Variants in SPTBN5 observed in about 807,000 individuals in gnomAD.
SPTBN5 encodes the protein spectrin beta chain, non-erythrocytic 5.
A neutral mutation model predicts 477.6 loss-of-function variants in SPTBN5; 513 were observed. That is an observed-to-expected ratio of 1.07 (90% CI 1.00 to 1.16). The LOEUF (loss-of-function observed/expected upper bound fraction) is 1.16, where lower values mean the gene tolerates loss of function less well. Ranked by LOEUF, SPTBN5 falls within the 50% of genes most tolerant of loss-of-function variation. SPTBN5 has a pLI of 0.00. For synonymous variants in SPTBN5, 2,169 were observed against 2,011.7 expected (o/e 1.08, Z -2.09); for missense variants, 5,062 against 4,731.8 (o/e 1.07, Z -2.05).
intron 65 of SPTBN5, 52 bp from the exon 66 acceptor site, chr15:41,850,991 C>A: frequency 1.3e-6 from 2 of 1,588,252 alleles, no homozygotes; most frequent in Non-Finnish European, 1.7e-6. Flanking sequence ...GGGACCCCCA[C>A]GCCTCCAGCC....
At position 41,874,294 on chromosome 15, in the gene SPTBN5, TG is replaced by T; in HGVS notation, c.4686del (p.His1562GlnfsTer8). 1 of 1,610,002 alleles carries T rather than the reference TG, an allele frequency of 6.2e-7. No homozygotes were observed. Among genetic ancestry groups the T allele is most frequent in the Non-Finnish European group, 8.5e-7 (1 of 1,177,890 alleles). On this transcript the variant is annotated frameshift_variant, in exon 24 of 68. Coordinates refer to ENST00000320955, the MANE Select transcript of SPTBN5 (RefSeq NM_016642.4). LOFTEE classifies it high-confidence loss of function. ...LNGAQSLHRK[H>X]KELQVEVKAH... is the part of the protein sequence containing the mutation. ...TGTAGGAAGAAGAGGGCTATTACCTTGTGCTTGCGGTGAAGGCTCTGGGCAC... is the reference window on the plus strand; with the variant it reads ...TGTAGGAAGAAGAGGGCTATTACCTTTGCTTGCGGTGAAGGCTCTGGGCAC...
In SPTBN5 at chr15:41,851,112, G is replaced by A; in HGVS notation, c.10782C>T (p.Ala3594=). The A allele has an allele frequency of 6.2e-7, 1 of 1,613,302 alleles. No homozygotes were observed. ...ASIALLDLTG[A]RCERLRGRHG... is the part of the protein sequence containing the mutation. ...GGCGGCCCCGCAGCCTCTCACACCG[G>A]GCTCCCGTGAGGTCAAGGAGGGCTA... is the stretch of plus-strand genomic sequence containing the variant. Residue 3594 remains alanine (A), a synonymous_variant, in exon 65 of 68, where the codon GCC becomes GCT. Coordinates refer to ENST00000320955, the MANE Select transcript of SPTBN5 (RefSeq NM_016642.4).
rs759066027 is a variant in SPTBN5, at chr15:41,850,839, T to TC, written c.10921+14dup. 3.2e-6 allele frequency: 5 copies of TC among 1,582,730 alleles called. No homozygotes were observed. In the Admixed American group the frequency reaches 5.4e-5, roughly 17 times the overall value. On this transcript the variant is annotated intron_variant, in intron 66 of 67. Transcript: ENST00000320955. The stretch of plus-strand genomic sequence containing the variant: ...GAGTCGGCCGCCCTCCCCGCATCCT[T>TC]CCCCTGAAGCCCACCTGCAGTGCTG...
intron 52 of SPTBN5, 56 bp from the exon 53 acceptor site, chr15:41,856,654 C>A: frequency 1.4e-6 from 2 of 1,478,566 alleles, no homozygotes; most frequent in Non-Finnish European, 1.8e-6. Flanking sequence ...GGGACTCCCA[C>A]AGTTGTGCTT....
At chr15:41,880,966 G>A (rs993874832) in intron 13 of SPTBN5, 68 bp downstream of exon 13, 8 of 1,383,136 alleles carry the variant, frequency 5.8e-6, no homozygotes, top group African/African-American at 5.8e-5. Flanking sequence ...CTTGTCCCCT[G>A]GGATCACTGC....
rs1365934660 is a variant in SPTBN5 at position 41,853,319 on chromosome 15, G to T, written c.10109C>A (p.Ala3370Asp). 1 of 1,612,674 alleles carries T rather than the reference G, an allele frequency of 6.2e-7. No individual in the cohort carries two copies. Among genetic ancestry groups the T allele is most frequent in the Non-Finnish European group, 8.5e-7 (1 of 1,179,500 alleles). The change falls in exon 59 of 68, where the codon GCC becomes GAC. Residue 3370 changes from alanine (A) to aspartate (D), a missense_variant. Transcript: ENST00000320955. ...GQEIRECRLQ[A>D]QDLRQEGQQL... The stretch of plus-strand genomic sequence containing the variant: ...CTGTCCTTCCTGCCGCAGGTCCTGG[G>T]CTTGAAGGCGGCACTCCCTGATTTC...
Position 41,879,854 on chromosome 15 carries a change from G to A in SPTBN5, c.2822C>T (p.Thr941Ile). 2.5e-6 allele frequency: 4 copies of A among 1,613,936 alleles called. No homozygotes were observed. The highest frequency in any genetic ancestry group is 3.4e-6 in the Non-Finnish European group (4 of 1,179,888). Residue 941 changes from threonine (T) to isoleucine (I), a missense_variant, in exon 15 of 68, where the codon ACT (threonine) becomes ATT (isoleucine). Coordinates refer to ENST00000320955, the MANE Select transcript of SPTBN5 (RefSeq NM_016642.4). ...GAGGCCCTTTCCCACAGCCAGGGCA[G>A]TGAGGAAGTTCTAGGGAAAAGGAGG... ...VMQLKYENFL[T>I]ALAVGKGLWA... is the part of the protein sequence containing the mutation.
At position 41,863,210 on chromosome 15, in the gene SPTBN5, G is replaced by A. The variant is rs2066178137; in HGVS notation, c.7150-307C>T. Among the ~76,000 whole-genome samples, 8 of 152,226 alleles carry A rather than the reference G, an allele frequency of 5.3e-5. No individual in the cohort carries two copies. In the South Asian group the frequency reaches 1.7e-3, roughly 31 times the overall value. On this transcript the variant is annotated intron_variant, in intron 41 of 67. Coordinates refer to ENST00000320955, the MANE Select transcript of SPTBN5 (RefSeq NM_016642.4). ...AGCAAGGATGGACAGACAGGCCTGT[G>A]CCGTCATTTGAGGGCAGAAGCCAGC...
In SPTBN5 at chr15:41,860,703, T is replaced by A; in HGVS notation, c.7871A>T (p.Asp2624Val). 3 of 1,599,494 alleles carry A rather than the reference T, an allele frequency of 1.9e-6. No individual in the cohort carries two copies. The highest frequency in any genetic ancestry group is 2.6e-6 in the Non-Finnish European group (3 of 1,173,850). Reference sequence around the variant, plus strand: ...GATCTTTCCCGCCTGCACCTCCAGGTCCCACTCCAGCATCTTGTGCTTCCA... The same window carrying A: ...GATCTTTCCCGCCTGCACCTCCAGGACCCACTCCAGCATCTTGTGCTTCCA... Reference protein sequence around the residue: ...LLWKHKMLEWDLEVQAGKISA... With the variant: ...LLWKHKMLEWVLEVQAGKISA... The change falls in exon 47 of 68, where the codon GAC becomes GTC. Residue 2624 changes from aspartate to valine, a missense_variant. By Grantham distance (152) the Asp-to-Val change is radical. Transcript: ENST00000320955.
chr15:41,885,677 G>C, intron 7 of SPTBN5, 58 bp downstream of exon 7: 1 of 1,508,128 alleles, frequency 6.6e-7, no homozygotes, highest in Non-Finnish European at 8.9e-7. Flanking sequence ...TGGAAGGATG[G>C]GGGTGTGGTA....
In SPTBN5 at chr15:41,880,179, AC is replaced by A. The variant is rs2066900341; in HGVS notation, c.2791del (p.Val931SerfsTer30). The A allele has an allele frequency of 6.2e-7, 1 of 1,600,972 alleles. No individual in the cohort carries two copies. The highest frequency in any genetic ancestry group is 8.5e-7 in the Non-Finnish European group (1 of 1,174,814). ...CTGTACCTCATATTTGAGCTGCATG[AC>A]CTCCAGGGTGTCAGCCTGGGGCTGC... ...RVQPQADTLE[V>X]MQLKYENFLT... On this transcript the variant is annotated frameshift_variant, in exon 14 of 68. Coordinates refer to ENST00000320955, the MANE Select transcript of SPTBN5 (RefSeq NM_016642.4). LOFTEE classifies it high-confidence loss of function.
At chr15:41,861,278 T>G in intron 46 of SPTBN5, 141 bp downstream of exon 46, 1 of 718,220 alleles carries the variant, frequency 1.4e-6, no homozygotes, top group East Asian at 2.6e-5. Context: ...AACTGCCCAG[T>G]GACGGATGTG....
chr15:41,874,588 A>G (rs2066658846), intron 23 of SPTBN5, 110 bp from the exon 24 acceptor site: 3 of 1,011,554 alleles, frequency 3.0e-6, no homozygotes, highest in South Asian at 1.7e-5. Flanking sequence ...CAGGGAATAG[A>G]GCAAAGCCTC....
At chr15:41,868,247 C>G in intron 33 of SPTBN5, 29 bp from the exon 34 acceptor site, 1 of 1,577,436 alleles carries the variant, frequency 6.3e-7, no homozygotes. Context: ...GGAGCCTCAG[C>G]TGGGGAGGGT....
At chr15:41,874,701 G>C in intron 23 of SPTBN5, 141 bp downstream of exon 23, 1 of 951,834 alleles carries the variant, frequency 1.1e-6, no homozygotes, top group Admixed American at 2.9e-5. Context: ...AGCATAATGG[G>C]GTCTCCGACC....
intron 27 of SPTBN5, 118 bp from the exon 28 acceptor site, chr15:41,872,035 T>G: frequency 7.6e-7 from 1 of 1,319,014 alleles, no homozygotes; most frequent in Non-Finnish European, 1.0e-6. Flanking sequence ...TGTCCAAGCC[T>G]GCGGCTCACG....
Position 41,863,781 on chromosome 15 carries a change from G to A in SPTBN5, c.7072C>T (p.Gln2358Ter). ...ATCTCCAAGGCCCCTTCGAGCTGCTGCTGGTACCGGAGCAAGTTGCCATGG... is the reference window on the plus strand; with the variant it reads ...ATCTCCAAGGCCCCTTCGAGCTGCTACTGGTACCGGAGCAAGTTGCCATGG... The part of the protein sequence containing the change: ...SFHGNLLRYQ[Q>*]QLEGALEIHV... Residue 2358 changes from glutamine (Q) to a stop codon, truncating the protein, a stop_gained, in exon 41 of 68, where the codon CAG becomes TAG. Coordinates refer to ENST00000320955, the MANE Select transcript of SPTBN5 (RefSeq NM_016642.4). LOFTEE classifies it high-confidence loss of function. 6.2e-7 allele frequency: 1 copy of A among 1,613,846 alleles called. No homozygotes were observed.
Position 41,882,645 on chromosome 15 carries a change from C to A in SPTBN5, c.1986G>T (p.Val662=). 1 of 1,607,676 alleles carries A rather than the reference C, an allele frequency of 6.2e-7. No individual in the cohort carries two copies. Among genetic ancestry groups the A allele is most frequent in the East Asian group, 2.2e-5 (1 of 44,676 alleles). The part of the protein sequence containing the change: ...EAWLKECGQR[V]GNAALGRDLS... ...GATCCCGGCCCAGGGCCGCATTCCC[C>A]ACCCGCTGTCCGCACTCCTTCAGCC... is the stretch of plus-strand genomic sequence containing the variant. The change falls in exon 10 of 68, where the codon GTG becomes GTT. Residue 662 remains valine (V), a synonymous_variant. Coordinates refer to ENST00000320955, the MANE Select transcript of SPTBN5 (RefSeq NM_016642.4).
chr15:41,871,864 T>G lies in SPTBN5; in HGVS notation c.5219A>C (p.Glu1740Ala), dbSNP rs756020909. Residue 1740 changes from glutamate (E) to alanine (A), a missense_variant, in exon 28 of 68, where the codon GAG (glutamate) becomes GCG (alanine). Glu to Ala is a moderately radical substitution (Grantham distance 107). Transcript: ENST00000320955. ...GCTTGCCAGCCAGCCCTGCAGGTCC[T>G]CAGCCTCCCTCAGGAACTCATGCAG... ...LRLHEFLREA[E>A]DLQGWLASQK... 3.8e-6 allele frequency: 6 copies of G among 1,585,682 alleles called. No individual in the cohort carries two copies. The highest frequency in any genetic ancestry group is 1.3e-5 in the African/African-American group (1 of 74,268).
Sources: allele counts gnomAD v4.1 joint callset (sites outside exome capture counted in the v4.1 genomes callset), GRCh38; gene constraint gnomAD v4.1.1; transcripts MANE v1.5; gene names NCBI Gene and HGNC (gene_info 2026-07-23, HGNC 2026-07-21).